Variants in RSPH1 observed in about 807,000 individuals in gnomAD.
RSPH1 encodes radial spoke head 1 homolog.
Under a neutral mutation model 44.2 loss-of-function variants are expected in RSPH1, and 32 were observed. The ratio of observed to expected loss-of-function variants is 0.72; its 90% confidence interval spans 0.55 to 0.97. The LOEUF (loss-of-function observed/expected upper bound fraction) is 0.97, where lower values mean the gene tolerates loss of function less well. RSPH1 is among the 50% of genes least tolerant of loss of function. The pLI, the probability that RSPH1 is intolerant of heterozygous loss-of-function variation, is 0.00. For missense variants in RSPH1, 391 were observed against 398.7 expected (o/e 0.98, Z 0.16); for synonymous variants, 134 against 147.3 (o/e 0.91, Z 0.65).
intron 7 of RSPH1, 94 bp from the exon 8 acceptor site, chr21:42,476,141 C>T: frequency 3.2e-6 from 4 of 1,241,516 alleles, no homozygotes; most frequent in Middle Eastern, 1.9e-4. Context: ...TGCCGTGCCC[C>T]CACCCTCCCC....
intron 3 of RSPH1, among the ~76,000 whole-genome samples, chr21:42,487,656 A>G (rs189918047): frequency 2.4e-4 from 36 of 152,260 alleles, no homozygotes; most frequent in African/African-American, 8.4e-4. Context: ...TCACTTTTAT[A>G]CCAACTTTAT....
At chr21:42,483,111 T>C (rs2054145840) in intron 5 of RSPH1, among the ~76,000 whole-genome samples, 1 of 152,204 alleles carries the variant, frequency 6.6e-6, no homozygotes, top group Non-Finnish European at 1.5e-5. Context: ...CTGAGAAATA[T>C]GGCATGAACT....
chr21:42,490,540 C>G (rs2146661526), intron 3 of RSPH1, among the ~76,000 whole-genome samples: 1 of 152,306 alleles, frequency 6.6e-6, no homozygotes, highest in South Asian at 2.1e-4. Flanking sequence ...GAGAAGAAAT[C>G]TCTGGGTAGT....
chr21:42,476,146 C>A, intron 7 of RSPH1, 99 bp from the exon 8 acceptor site: 2 of 1,194,410 alleles, frequency 1.7e-6, no homozygotes, highest in Non-Finnish European at 2.4e-6. Flanking sequence ...TGCCCCCACC[C>A]TCCCCCTCCC....
In RSPH1 at chr21:42,476,123, C is replaced by G. The variant is rs1361767851; in HGVS notation, c.728-76G>C. The G allele has an allele frequency of 4.1e-6, 6 of 1,478,040 alleles. No homozygotes were observed. In the African/African-American group the frequency reaches 8.4e-5, roughly 21 times the overall value. The allele number at this position is 1,478,040 out of a possible 1,614,324, so 91.6% of individuals were successfully genotyped here. On this transcript the variant is annotated intron_variant, in intron 7 of 8. Transcript: ENST00000291536. ...TGCAGACCTGTGCAGGGCAGCTGTC[C>G]CCTGGGCTGCCGTGCCCCCACCCTC...
intron 7 of RSPH1, among the ~76,000 whole-genome samples, chr21:42,476,664 T>C (rs114176687): frequency 0.012 from 1,801 of 151,146 alleles, 37 homozygotes; most frequent in African/African-American, 0.041. Context: ...CAGCCCGGGG[T>C]CACACCCACA....
At chr21:42,477,068 A>C (rs1462157514) in intron 7 of RSPH1, among the ~76,000 whole-genome samples, 12 of 110,524 alleles carry the variant, frequency 1.1e-4, no homozygotes, top group African/African-American at 2.7e-4. Context: ...TGCCCCCTCC[A>C]CCCCACAGCC....
chr21:42,487,329 G>T (rs536721646), intron 3 of RSPH1, among the ~76,000 whole-genome samples: 2 of 152,286 alleles, frequency 1.3e-5, no homozygotes, highest in African/African-American at 4.8e-5. Flanking sequence ...AAAGGTGACT[G>T]CTCTTAAAAA....
intron 5 of RSPH1, among the ~76,000 whole-genome samples, chr21:42,483,334 C>T (rs2054148509): frequency 6.6e-6 from 1 of 151,202 alleles, no homozygotes; most frequent in Non-Finnish European, 1.5e-5. Context: ...CTCAGAATTT[C>T]TGGACAAAAG....
chr21:42,477,603 T>C (rs1408226157), intron 6 of RSPH1, among the ~76,000 whole-genome samples, 159 bp from the exon 7 acceptor site: 1 of 152,234 alleles, frequency 6.6e-6, no homozygotes, highest in East Asian at 1.9e-4. Context: ...TTGCTGACTA[T>C]CCATGGTATA....
rs2054172335 is a variant in RSPH1, at chr21:42,485,656, C to T, written c.501+13G>A. The T allele has an allele frequency of 1.2e-6, 2 of 1,614,148 alleles. No individual in the cohort carries two copies. Among genetic ancestry groups the T allele is most frequent in the African/African-American group, 2.7e-5 (2 of 75,046 alleles). On this transcript the variant is annotated intron_variant, in intron 5 of 8. Coordinates refer to ENST00000291536, the MANE Select transcript of RSPH1 (RefSeq NM_080860.4). ...TGTACTTCATTGGCAAATGTCACTTCCCATGGACTTACATTTTTGTTCAAG... is the reference window on the plus strand; with the variant it reads ...TGTACTTCATTGGCAAATGTCACTTTCCATGGACTTACATTTTTGTTCAAG...
rs191407291 is a variant in RSPH1 at position 42,474,004 on chromosome 21, C to T, written c.878-1134G>A. Among the ~76,000 whole-genome samples the T allele has an allele frequency of 1.1e-4, 17 of 152,314 alleles. No individual in the cohort carries two copies. Among genetic ancestry groups the T allele is most frequent in the Admixed American group, 7.2e-4 (11 of 15,300 alleles). ...CCGCTGGTACTGGGCATCGTCCACT[C>T]GGCCCCATCTCTCCCAGTCCGGTTT... On this transcript the variant is annotated intron_variant, in intron 8 of 8. Coordinates refer to ENST00000291536, the MANE Select transcript of RSPH1 (RefSeq NM_080860.4). This position sits in a 1 kb window ranked among gnomAD's most constrained non-coding sequence, Gnocchi z 5.2.
rs143760987 is a variant in RSPH1, at chr21:42,495,209, G to A, written c.54+924C>T. Among the ~76,000 whole-genome samples, 15 of 152,298 alleles carry A rather than the reference G, an allele frequency of 9.8e-5. 2 individuals carry two copies. The highest frequency in any genetic ancestry group is 7.2e-5 in the African/African-American group (3 of 41,560). Reference sequence around the variant, plus strand: ...GCTGTCTGGCCGGATGTGAATTTCAGGCACTTCTGGCTCTCCATACTGGGC... The same window carrying A: ...GCTGTCTGGCCGGATGTGAATTTCAAGCACTTCTGGCTCTCCATACTGGGC... On this transcript the variant is annotated intron_variant, in intron 1 of 8. Transcript: ENST00000291536.
At chr21:42,479,313 G>T (rs2146647340) in intron 6 of RSPH1, among the ~76,000 whole-genome samples, 1 of 152,274 alleles carries the variant, frequency 6.6e-6, no homozygotes, top group African/African-American at 2.4e-5. Flanking sequence ...CCCTCAGGTT[G>T]TTGCTGCATT....
intron 5 of RSPH1, among the ~76,000 whole-genome samples, chr21:42,483,958 A>T (rs188574715): frequency 6.6e-6 from 1 of 152,136 alleles, no homozygotes; most frequent in Admixed American, 6.6e-5. Flanking sequence ...TATACTGGGA[A>T]CTGTCTCTGG....
At chr21:42,473,380 A>G (rs2054013102) in intron 8 of RSPH1, among the ~76,000 whole-genome samples, 1 of 151,938 alleles carries the variant, frequency 6.6e-6, no homozygotes, top group Non-Finnish European at 1.5e-5. Context: ...CAACCCAGTT[A>G]CTTGGGAGGC....
intron 1 of RSPH1, among the ~76,000 whole-genome samples, chr21:42,494,027 G>A (rs2054262375): frequency 6.6e-6 from 1 of 152,200 alleles, no homozygotes; most frequent in Non-Finnish European, 1.5e-5. Context: ...TTACAGGTAT[G>A]AGCCACCATG....
intron 6 of RSPH1, among the ~76,000 whole-genome samples, chr21:42,479,690 G>A (rs765101342): frequency 1.7e-4 from 25 of 151,326 alleles, no homozygotes; most frequent in Non-Finnish European, 2.8e-4. Flanking sequence ...AAAGCCGACT[G>A]TCTTTCTTAG....
At chr21:42,482,487 A>G (rs2054138390) in intron 6 of RSPH1, 150 bp downstream of exon 6, 1 of 608,882 alleles carries the variant, frequency 1.6e-6, no homozygotes, top group African/African-American at 1.9e-5. Flanking sequence ...GTTCTGTACT[A>G]ACACATGCAG....
Sources: gnomAD v4.1 joint callset for allele counts (sites outside exome capture counted in the v4.1 genomes callset) on GRCh38, gnomAD v4.1.1 for gene constraint, Gnocchi (gnomAD v3.1) non-coding constraint, MANE v1.5 for transcripts, NCBI Gene and HGNC (gene_info 2026-07-23, HGNC 2026-07-21) for gene names.